The following USP32 variants were observed in gnomAD, a reference collection of about 807,000 sequenced individuals.
USP32 encodes the protein ubiquitin specific peptidase 32, also known as ubiquitin carboxyl-terminal hydrolase 32.
USP32 carries 59 observed loss-of-function variants against 204.8 expected under a neutral mutation model. The ratio of observed to expected loss-of-function variants is 0.29; its 90% CI spans 0.23 to 0.36. The LOEUF (loss-of-function observed/expected upper bound fraction) is 0.36. Among genes scored for constraint, USP32 ranks in the 10% least tolerant of loss-of-function variants. USP32 has a pLI of 1.00. For synonymous variants in USP32, 517 were observed against 678.4 expected (o/e 0.76, Z 3.70); for missense variants, 1,160 against 1,946.4 (o/e 0.60, Z 7.60).
intron 2 of USP32, among the ~76,000 whole-genome samples, chr17:60,313,603 A>AT (rs1335839640): frequency 6.6e-6 from 1 of 152,086 alleles, no homozygotes; most frequent in Non-Finnish European, 1.5e-5. Context: ...AGAAAGCGGA[A>AT]TAGTACCCAA....
intron 4 of USP32, among the ~76,000 whole-genome samples, chr17:60,290,518 A>G (rs1415221172): frequency 6.6e-6 from 1 of 152,196 alleles, no homozygotes; most frequent in African/African-American, 2.4e-5. Context: ...ACATTTTTAC[A>G]CACATTAACA....
At chr17:60,373,378 G>A (rs1456879947) in intron 1 of USP32, among the ~76,000 whole-genome samples, 2 of 151,606 alleles carry the variant, frequency 1.3e-5, no homozygotes, top group Non-Finnish European at 1.5e-5. Flanking sequence ...TAAACACTGT[G>A]CAATTCGGTT....
chr17:60,267,047 C>T (rs1275845123), intron 7 of USP32, among the ~76,000 whole-genome samples: 1 of 151,958 alleles, frequency 6.6e-6, no homozygotes, highest in Non-Finnish European at 1.5e-5. Context: ...CCTTGGCCTC[C>T]CAAAGTGGTA....
chr17:60,323,378 G>A (rs9896978), intron 2 of USP32, among the ~76,000 whole-genome samples: 3,307 of 152,232 alleles, frequency 0.022, 112 homozygotes, highest in African/African-American at 0.074. Flanking sequence ...AGAAAATCAT[G>A]ATTTCATTTA....
chr17:60,226,089 A>G lies in USP32; in HGVS notation c.1382T>C (p.Phe461Ser), dbSNP rs369431852. ...AGATGCAGTAGAAATGTTGTCTGAA[A>G]ATTTCTCTTCTGTAGTATTCACGTA... Reference protein sequence around the residue: ...LSYVNTTEEKFSDNISTASEA... With the variant: ...LSYVNTTEEKSSDNISTASEA... Residue 461 changes from phenylalanine (F) to serine (S), a missense_variant, in exon 13 of 34, where the codon TTT (phenylalanine) becomes TCT (serine). Around this residue, in one of 8 missense-constraint regions of USP32, gnomAD observed 536 missense variants for 680.9 expected, o/e 0.79. Transcript: ENST00000300896. The G allele has an allele frequency of 2.1e-5, 33 of 1,606,550 alleles. No individual in the cohort carries two copies. Among genetic ancestry groups the G allele is most frequent in the Non-Finnish European group, 8.5e-6 (10 of 1,177,514 alleles).
At chr17:60,220,940 G>T (rs867677475) in intron 15 of USP32, among the ~76,000 whole-genome samples, 1 of 151,962 alleles carries the variant, frequency 6.6e-6, no homozygotes, top group Non-Finnish European at 1.5e-5. Flanking sequence ...GAGCCACCGC[G>T]CCCAGCCAAC....
intron 1 of USP32, among the ~76,000 whole-genome samples, chr17:60,379,924 A>T (rs113747602): frequency 9.2e-5 from 14 of 152,330 alleles, no homozygotes; most frequent in Middle Eastern, 3.4e-3. Context: ...ATGTGGTTTT[A>T]AAAAAAGGTT....
intron 2 of USP32, among the ~76,000 whole-genome samples, chr17:60,337,825 G>A (rs2088559135): frequency 6.6e-6 from 1 of 152,074 alleles, no homozygotes; most frequent in Non-Finnish European, 1.5e-5. Context: ...AGGCTACAAT[G>A]AGCCATGATC....
intron 7 of USP32, among the ~76,000 whole-genome samples, chr17:60,266,943 T>C (rs2333673): frequency 0.33 from 49,775 of 150,668 alleles, 14,866 homozygotes; most frequent in African/African-American, 0.8. Flanking sequence ...CGTGAGCCAC[T>C]GTGCCCGGCC....
intron 1 of USP32, among the ~76,000 whole-genome samples, chr17:60,410,012 G>A (rs538682394): frequency 8.9e-4 from 136 of 152,226 alleles, no homozygotes; most frequent in African/African-American, 2.9e-3. Flanking sequence ...CTTGTTCAGC[G>A]ACTAAAACTG....
intron 1 of USP32, among the ~76,000 whole-genome samples, chr17:60,379,338 G>A (rs1306528701): frequency 2.0e-5 from 3 of 152,128 alleles, no homozygotes; most frequent in East Asian, 3.8e-4. Flanking sequence ...TTGAAAAGCT[G>A]AAAAATCCAC....
rs756711104 is a variant in USP32, at chr17:60,345,617, C to T, written c.59-9G>A. The T allele has an allele frequency of 6.2e-6, 10 of 1,613,722 alleles. No individual in the cohort carries two copies. In the African/African-American group the frequency reaches 1.2e-4, roughly 19 times the overall value. On this transcript the variant is annotated splice_polypyrimidine_tract_variant and intron_variant, in intron 1 of 33. Coordinates refer to ENST00000300896, the MANE Select transcript of USP32 (RefSeq NM_032582.4). ...TAGCTCTACATCTGTAACTGCAATT[C>T]AGAAACAGAAGATGGGTAAGAAATC...
Position 60,391,941 on chromosome 17 carries a change from C to G in USP32, c.-2G>C, listed in dbSNP as rs1219631649. The G allele has an allele frequency of 1.2e-6, 2 of 1,611,610 alleles. No individual in the cohort carries two copies. The highest frequency in any genetic ancestry group is 2.2e-5 in the South Asian group (2 of 90,576). On this transcript the variant is annotated 5_prime_UTR_variant, in exon 1 of 34. Transcript: ENST00000300896. Reference sequence around the variant, plus strand: ...GATCCGTGACTCCTTGGCACCCATGCTCCCCTCATCCCCTCGGCGGGGGGT... The same window carrying G: ...GATCCGTGACTCCTTGGCACCCATGGTCCCCTCATCCCCTCGGCGGGGGGT...
In USP32 at chr17:60,345,989, T is replaced by A. The variant is rs544685222; in HGVS notation, c.59-381A>T. Among the ~76,000 whole-genome samples, 76 of 150,744 alleles carry A rather than the reference T, an allele frequency of 5.0e-4. 6 individuals are homozygous for A. In the South Asian group the frequency reaches 0.016, roughly 31 times the overall value. On this transcript the variant is annotated intron_variant, in intron 1 of 33. Coordinates refer to ENST00000300896, the MANE Select transcript of USP32 (RefSeq NM_032582.4). ...AGAGCGAAACTCTGTCTCAAAAAAA[T>A]AAATAAATAAAAAGAAAAAAAAAGA...
At chr17:60,291,364 A>C (rs1236260545) in intron 4 of USP32, among the ~76,000 whole-genome samples, 1 of 152,214 alleles carries the variant, frequency 6.6e-6, no homozygotes, top group Non-Finnish European at 1.5e-5. Flanking sequence ...CAACAACCTA[A>C]AATAAGTCAG....
At position 60,326,543 on chromosome 17, in the gene USP32, C is replaced by T. The variant is rs373281525; in HGVS notation, c.186+18938G>A. Among the ~76,000 whole-genome samples the T allele has an allele frequency of 7.9e-5, 12 of 152,264 alleles. No individual in the cohort carries two copies. The East Asian group carries it at 2.3e-3, about 29-fold the overall frequency. ...TGAACTCCTAACCTTGGGTGATCCA[C>T]CCACCTTGGCCTCCCAAAGTGCTGG... On this transcript the variant is annotated intron_variant, in intron 2 of 33. Transcript: ENST00000300896.
intron 33 of USP32, 24 bp downstream of exon 33, chr17:60,180,521 C>T (rs1391255373): frequency 6.2e-7 from 1 of 1,609,470 alleles, no homozygotes; most frequent in South Asian, 1.1e-5. Context: ...TTCTAACTTT[C>T]ATTCAAAGAC....
chr17:60,185,722 C>T, intron 29 of USP32, 71 bp from the exon 30 acceptor site: 1 of 1,523,048 alleles, frequency 6.6e-7, no homozygotes, highest in South Asian at 1.3e-5. Context: ...AGGTATGCAT[C>T]AACCTCTTGG....
intron 11 of USP32, among the ~76,000 whole-genome samples, chr17:60,247,758 A>G (rs952236325): frequency 6.6e-6 from 1 of 151,828 alleles, no homozygotes; most frequent in Admixed American, 6.6e-5. Flanking sequence ...ATCTTGGCTC[A>G]TTGCAACCTC....
Sources: allele counts gnomAD v4.1 joint callset (sites outside exome capture counted in the v4.1 genomes callset), GRCh38; gene constraint gnomAD v4.1.1; regional missense constraint gnomAD v4.1.1; transcripts MANE v1.5; gene names NCBI Gene and HGNC (gene_info 2026-07-23, HGNC 2026-07-21).